The following CENPH variants were observed in gnomAD, a reference collection of about 807,000 sequenced individuals.
The protein encoded by CENPH is CENP-H.
CENPH carries 40 observed loss-of-function variants against 42.9 expected under a neutral mutation model. The observed-to-expected ratio is 0.93, with a 90% CI of 0.72 to 1.21. The LOEUF (loss-of-function observed/expected upper bound fraction) is 1.21, where lower values mean the gene tolerates loss of function less well. Ranked by LOEUF, CENPH falls within the 50% of genes most tolerant of loss-of-function variation. The probability of loss-of-function intolerance (pLI) is 0.00; values close to 1 mark genes in which losing one functional copy is unlikely to be tolerated. For synonymous variants in CENPH, 88 were observed against 96.5 expected, an observed-to-expected ratio of 0.91 and a Z score of 0.52; for missense variants, 302 against 292.9, an observed-to-expected ratio of 1.03 and a Z score of -0.23.
Position 69,197,124 on chromosome 5 carries a change from T to A in CENPH, c.371+15T>A, listed in dbSNP as rs769566601. The A allele has an allele frequency of 1.2e-5, 19 of 1,526,614 alleles. No homozygotes were observed. In the Middle Eastern group the frequency reaches 5.2e-4, roughly 42 times the overall value. The allele number at this position is 1,526,614 out of a possible 1,614,324, so 94.6% of individuals were successfully genotyped here. ...AGACAGTCTAGGTATGATTTTTTTT[T>A]TCTCTGGATTCGGTAAGGATGGGAT... is the stretch of plus-strand genomic sequence containing the variant. On this transcript the variant is annotated intron_variant, in intron 5 of 8. Transcript: ENST00000283006.
intron 7 of CENPH, among the ~76,000 whole-genome samples, chr5:69,207,187 C>G (rs1390752315): frequency 6.6e-6 from 1 of 151,522 alleles, no homozygotes; most frequent in African/African-American, 2.4e-5. Flanking sequence ...AGAGGGGAAT[C>G]TTACTTTTTT....
At chr5:69,198,055 G>T (rs1452180856) in intron 5 of CENPH, among the ~76,000 whole-genome samples, 4 of 150,876 alleles carry the variant, frequency 2.7e-5, no homozygotes, top group African/African-American at 9.7e-5. Context: ...CGAGCAGCTG[G>T]GACTACAGGC....
chr5:69,195,969 C>G (rs1205077043), intron 4 of CENPH, among the ~76,000 whole-genome samples, 178 bp downstream of exon 4: 2 of 152,120 alleles, frequency 1.3e-5, no homozygotes, highest in African/African-American at 4.8e-5. Context: ...TTGACAAGGT[C>G]TCACTCTTGC....
intron 5 of CENPH, among the ~76,000 whole-genome samples, chr5:69,199,057 T>C (rs1195630755): frequency 6.6e-6 from 1 of 152,228 alleles, no homozygotes; most frequent in African/African-American, 2.4e-5. Context: ...TCCTGTTGCT[T>C]GCTGCACAGA....
chr5:69,190,936 T>A (rs62371224), intron 1 of CENPH, among the ~76,000 whole-genome samples: 6,498 of 152,310 alleles, frequency 0.043, 199 homozygotes, highest in Non-Finnish European at 0.061. Context: ...TTAAATGTTT[T>A]GAAAAATGAA....
chr5:69,195,915 G>C, intron 4 of CENPH, 124 bp downstream of exon 4: 1 of 583,164 alleles, frequency 1.7e-6, no homozygotes, highest in Non-Finnish European at 3.1e-6. Flanking sequence ...ATTAGATAAT[G>C]GTCACACAAA....
chr5:69,201,445 G>C (rs1334238205), intron 5 of CENPH, among the ~76,000 whole-genome samples: 1 of 152,160 alleles, frequency 6.6e-6, no homozygotes, highest in Admixed American at 6.5e-5. Flanking sequence ...CATAGTTCTT[G>C]AAAGCATGTA....
chr5:69,209,581 A>G (rs1465936492), intron 8 of CENPH, 126 bp from the exon 9 acceptor site: 1 of 548,016 alleles, frequency 1.8e-6, no homozygotes, highest in African/African-American at 1.9e-5. Context: ...TTTTTTTCTT[A>G]TGATCACAGA....
intron 5 of CENPH, among the ~76,000 whole-genome samples, chr5:69,201,337 G>A (rs760800940): frequency 6.6e-6 from 1 of 151,978 alleles, no homozygotes; most frequent in African/African-American, 2.4e-5. Flanking sequence ...TTGTTACTGC[G>A]CTATAGTATG....
intron 5 of CENPH, among the ~76,000 whole-genome samples, chr5:69,197,842 A>G (rs941591163): frequency 3.7e-5 from 5 of 136,790 alleles, no homozygotes; most frequent in African/African-American, 1.3e-4. Flanking sequence ...TATTATGAGC[A>G]AAAAAAAAAA....
chr5:69,206,179 G>C (rs1748156090), intron 7 of CENPH, among the ~76,000 whole-genome samples: 1 of 149,934 alleles, frequency 6.7e-6, no homozygotes, highest in Non-Finnish European at 1.5e-5. Flanking sequence ...GGCCAGATTT[G>C]TTGGTTGGGT....
Position 69,209,999 on chromosome 5 carries a change from T to G in CENPH, c.*200T>G. On this transcript the variant is annotated 3_prime_UTR_variant, in exon 9 of 9. Transcript: ENST00000283006. ...TTTATATTTCTATATTTAGTTTGTT[T>G]TTTTGTTGTTGTTGTTTTTTGAGAT... is the stretch of plus-strand genomic sequence containing the variant. 2.7e-6 allele frequency: 1 copy of G among 370,992 alleles called. No individual in the cohort carries two copies. The allele number at this position is 370,992 out of a possible 1,614,324, so 23.0% of individuals were successfully genotyped here. A position where few individuals can be genotyped will look rare whatever the true frequency, so the allele number is the denominator to read the frequency against.
intron 2 of CENPH, among the ~76,000 whole-genome samples, chr5:69,193,760 C>T (rs1747918859): frequency 6.7e-6 from 1 of 149,330 alleles, no homozygotes; most frequent in Non-Finnish European, 1.5e-5. Context: ...CTCCCGGATT[C>T]ACTGCCTCAG....
chr5:69,192,394 G>A (rs1313024298), intron 2 of CENPH, among the ~76,000 whole-genome samples: 2 of 152,032 alleles, frequency 1.3e-5, no homozygotes, highest in South Asian at 2.1e-4. Context: ...CATTTTTAAG[G>A]GATTGTGACA....
rs1001017407 is a variant in CENPH, at chr5:69,194,730, T to C, written c.239+35T>C. On this transcript the variant is annotated intron_variant, in intron 3 of 8. Coordinates refer to ENST00000283006, the MANE Select transcript of CENPH (RefSeq NM_022909.4). ...ATTTAAAAATTTTGTTTATGGTCTT[T>C]ACTAAGATTTAATCATATTTTCTAT... The C allele has an allele frequency of 6.3e-6, 8 of 1,275,952 alleles. No individual in the cohort carries two copies. The African/African-American group carries it at 9.1e-5, about 14-fold the overall frequency. 79.0% of individuals were successfully genotyped at this position (1,275,952 alleles called of 1,614,324 possible).
chr5:69,193,002 CAGG>C (rs1747901855), intron 2 of CENPH, among the ~76,000 whole-genome samples: 1 of 151,736 alleles, frequency 6.6e-6, no homozygotes, highest in African/African-American at 2.4e-5. Flanking sequence ...GAGGCTGAGG[CAGG>C]AGAATCGCTT....
intron 4 of CENPH, among the ~76,000 whole-genome samples, chr5:69,196,403 G>A (rs1464068860): frequency 3.3e-5 from 5 of 152,188 alleles, no homozygotes; most frequent in East Asian, 1.9e-4. Context: ...CCAGCACTTC[G>A]GGAGGCCAAG....
At chr5:69,208,130 AT>A in intron 7 of CENPH, 65 bp from the exon 8 acceptor site, 1 of 836,720 alleles carries the variant, frequency 1.2e-6, no homozygotes, top group Non-Finnish European at 1.7e-6. Flanking sequence ...CTGCTTCATA[AT>A]TTTTCAAGAT....
intron 5 of CENPH, among the ~76,000 whole-genome samples, chr5:69,198,302 A>T (rs1259863963): frequency 6.6e-6 from 1 of 151,498 alleles, no homozygotes; most frequent in Non-Finnish European, 1.5e-5. Flanking sequence ...CTGCATGGGT[A>T]TAAGCACTTT....
Sources: gnomAD v4.1 joint callset for allele counts (sites outside exome capture counted in the v4.1 genomes callset) on GRCh38, gnomAD v4.1.1 for gene constraint, MANE v1.5 for transcripts, NCBI Gene and HGNC (gene_info 2026-07-23, HGNC 2026-07-21) for gene names.